B9D1: variants seen among roughly 807,000 people sequenced by gnomAD.
B9D1 encodes B9 domain-containing protein 1.
A neutral mutation model predicts 26.1 loss-of-function variants in B9D1; 20 were observed. The ratio of observed to expected loss-of-function variants is 0.77; its 90% CI spans 0.54 to 1.12. The LOEUF is 1.12. Among genes scored for constraint, B9D1 ranks in the 50% most tolerant of loss-of-function variants. B9D1 has a pLI of 0.00. For synonymous variants in B9D1, 105 were observed against 103.1 expected (o/e 1.02, Z -0.11); for missense variants, 260 against 273.7 (o/e 0.95, Z 0.35).
chr17:19,341,181 C>G, downstream of B9D1: 1 of 1,231,384 alleles, frequency 8.1e-7, no homozygotes, highest in Non-Finnish European at 1.0e-6. Flanking sequence ...ACAGGCTGGA[C>G]AAATGGGGCC....
chr17:19,350,094 A>G (rs1302328352), intron 3 of B9D1, among the ~76,000 whole-genome samples: 2 of 151,822 alleles, frequency 1.3e-5, no homozygotes, highest in East Asian at 3.9e-4. Flanking sequence ...CCTGGGCGAC[A>G]GAGCGAAATT....
chr17:19,347,004 C>G lies in B9D1; in HGVS notation c.404+265G>C, dbSNP rs1439047360. Reference sequence around the variant, plus strand: ...ATTATGTCATGAGCATTTTTCCCATCTGACAAGAGTTTTTCCTCTGCTCCC... The same window carrying G: ...ATTATGTCATGAGCATTTTTCCCATGTGACAAGAGTTTTTCCTCTGCTCCC... On this transcript the variant is annotated intron_variant, in intron 5 of 6. Transcript: ENST00000261499. This position sits in a 1 kb window ranked among gnomAD's most constrained non-coding sequence, Gnocchi z 4.3. 1 of 1,538,666 alleles carries G rather than the reference C, an allele frequency of 6.5e-7. No individual in the cohort carries two copies. Among genetic ancestry groups the G allele is most frequent in the South Asian group, 1.2e-5 (1 of 82,624 alleles).
At chr17:19,376,804 A>G (rs1912148072) in intron 1 of B9D1, among the ~76,000 whole-genome samples, 2 of 148,642 alleles carry the variant, frequency 1.3e-5, no homozygotes, top group Non-Finnish European at 1.5e-5. Flanking sequence ...AATAAAATAA[A>G]ATAAAATAAA....
At chr17:19,344,458 C>G (rs568574225) in intron 5 of B9D1, 8 of 260,494 alleles carry the variant, frequency 3.1e-5, no homozygotes, top group South Asian at 2.5e-4. Flanking sequence ...AGCCCCAGAC[C>G]CCAGTTGGGC....
chr17:19,340,065 G>A (rs1907794120), downstream of B9D1, among the ~76,000 whole-genome samples: 1 of 124,682 alleles, frequency 8.0e-6, no homozygotes, highest in African/African-American at 2.9e-5. Flanking sequence ...CCGGGCACTC[G>A]CGCCTTCAGC....
At chr17:19,358,056 G>A (rs1910587293) in intron 2 of B9D1, 105 bp from the exon 3 acceptor site, 1 of 803,596 alleles carries the variant, frequency 1.2e-6, no homozygotes, top group Non-Finnish European at 2.2e-6. Flanking sequence ...TTTCTCAGCT[G>A]TCTTCTCCCA....
chr17:19,368,924 CAAAACA>C (rs1456160019), intron 1 of B9D1, among the ~76,000 whole-genome samples: 1 of 152,122 alleles, frequency 6.6e-6, no homozygotes, highest in Non-Finnish European at 1.5e-5. Context: ...CCATCTCTTA[CAAAACA>C]AAAACAAACC....
chr17:19,371,631 C>A (rs1911895198), intron 1 of B9D1: 1 of 152,402 alleles, frequency 6.6e-6, no homozygotes, highest in Admixed American at 6.5e-5. Flanking sequence ...GCCTGCAATA[C>A]CCCTGTTGGG....
chr17:19,359,732 G>C lies in B9D1; in HGVS notation c.132+588C>G, dbSNP rs1910801492. Among the ~76,000 whole-genome samples, 1 of 152,202 alleles carries C rather than the reference G, an allele frequency of 6.6e-6. No homozygotes were observed. Among genetic ancestry groups the C allele is most frequent in the African/African-American group, 2.4e-5 (1 of 41,448 alleles). Reference sequence around the variant, plus strand: ...GCACCCAGAAGACAATCAATAAAGGGAAAAGAAGGATTATCATCTCAGTTG... The same window carrying C: ...GCACCCAGAAGACAATCAATAAAGGCAAAAGAAGGATTATCATCTCAGTTG... On this transcript the variant is annotated intron_variant, in intron 2 of 6. Coordinates refer to ENST00000261499, the MANE Select transcript of B9D1 (RefSeq NM_015681.6). The surrounding 1 kb of genome is among the most constrained non-coding windows in gnomAD (Gnocchi z 5.0).
intron 1 of B9D1, among the ~76,000 whole-genome samples, chr17:19,376,640 A>AT (rs1912131924): frequency 1.2e-4 from 18 of 147,796 alleles, no homozygotes; most frequent in Non-Finnish European, 7.5e-5. Context: ...AAAAAAAAAA[A>AT]AAAAAAAAAA....
At chr17:19,354,777 G>A (rs1454625216) in intron 3 of B9D1, among the ~76,000 whole-genome samples, 3 of 152,156 alleles carry the variant, frequency 2.0e-5, no homozygotes, top group African/African-American at 7.2e-5. Context: ...GCAGTGAGCC[G>A]AGATCGCGCC....
At position 19,356,211 on chromosome 17, in the gene B9D1, C is replaced by T. The variant is rs1910330612; in HGVS notation, c.244+1629G>A. Reference sequence around the variant, plus strand: ...GGCTCCAGCGATCCTTCTGCCTCAGCCCCCCAAGTAGCTAAGATTACAGGC... The same window carrying T: ...GGCTCCAGCGATCCTTCTGCCTCAGTCCCCCAAGTAGCTAAGATTACAGGC... On this transcript the variant is annotated intron_variant, in intron 3 of 6. Transcript: ENST00000261499. Among the ~76,000 whole-genome samples, 3 of 151,976 alleles carry T rather than the reference C, an allele frequency of 2.0e-5. No individual in the cohort carries two copies. In the South Asian group the frequency reaches 6.2e-4, roughly 32 times the overall value.
chr17:19,343,101 A>C, downstream of B9D1: 1 of 1,418,250 alleles, frequency 7.1e-7, no homozygotes, highest in Non-Finnish European at 9.2e-7. Context: ...AGGTGGGGCC[A>C]GGAAAGGCCC....
At chr17:19,355,673 CA>C (rs1203198337) in intron 3 of B9D1, among the ~76,000 whole-genome samples, 49 of 134,786 alleles carry the variant, frequency 3.6e-4, no homozygotes, top group Admixed American at 4.5e-4. Context: ...ACTAAAAATA[CA>C]AAAAAAAAAA....
intron 5 of B9D1, chr17:19,346,880 C>T: frequency 1.4e-6 from 2 of 1,406,254 alleles, no homozygotes; most frequent in Non-Finnish European, 1.9e-6. Context: ...TCAGCTCCGG[C>T]CAGAGACTCC....
upstream of B9D1, among the ~76,000 whole-genome samples, chr17:19,366,442 T>C (rs912386693): frequency 4.6e-5 from 7 of 151,924 alleles, no homozygotes; most frequent in Non-Finnish European, 8.8e-5. Context: ...ACAGTAACAA[T>C]AATAATCCCA....
At chr17:19,344,312 A>C (rs1375930627) in intron 5 of B9D1, among the ~76,000 whole-genome samples, 2 of 152,198 alleles carry the variant, frequency 1.3e-5, no homozygotes, top group African/African-American at 2.4e-5. Context: ...TGGGGTGGGC[A>C]GAAGGGCCAG....
intron 5 of B9D1, chr17:19,346,960 T>C (rs531057376): frequency 6.6e-7 from 1 of 1,506,010 alleles, no homozygotes; most frequent in Non-Finnish European, 8.8e-7. Context: ...TCCTCTTGTT[T>C]CCCACCTTTT....
At chr17:19,337,614 G>T, downstream of B9D1, 1 of 1,104,904 alleles carries the variant, frequency 9.1e-7, no homozygotes, top group Non-Finnish European at 1.3e-6. Flanking sequence ...GGATGCTCTT[G>T]GTTACGCTGC....
Sources: gnomAD v4.1 joint callset for allele counts (sites outside exome capture counted in the v4.1 genomes callset) on GRCh38, gnomAD v4.1.1 for gene constraint, Gnocchi (gnomAD v3.1) non-coding constraint, MANE v1.5 for transcripts, NCBI Gene and HGNC (gene_info 2026-07-23, HGNC 2026-07-21) for gene names.